Variants in PIK3AP1 observed in about 807,000 individuals in gnomAD.
PIK3AP1 encodes phosphoinositide 3-kinase adapter protein 1.
PIK3AP1 carries 21 observed loss-of-function variants against 88.1 expected under a neutral mutation model. The observed-to-expected ratio is 0.24, with a 90% CI of 0.17 to 0.34. PIK3AP1 has a LOEUF of 0.34. PIK3AP1 is among the 10% of genes least tolerant of loss of function. The pLI, the probability that PIK3AP1 is intolerant of heterozygous loss-of-function variation, is 1.00. For missense variants in PIK3AP1, 828 were observed against 1,035.7 expected (o/e 0.80, Z 2.75); for synonymous variants, 398 against 400.0 (o/e 1.00, Z 0.06).
At chr10:96,642,981 T>C (rs1174935444) in intron 8 of PIK3AP1, among the ~76,000 whole-genome samples, 1 of 152,208 alleles carries the variant, frequency 6.6e-6, no homozygotes, top group Admixed American at 6.5e-5. Flanking sequence ...AAGTGGGTAC[T>C]GGTGGTTCTC....
chr10:96,664,643 G>A (rs1012174975), intron 2 of PIK3AP1, among the ~76,000 whole-genome samples: 12 of 152,102 alleles, frequency 7.9e-5, no homozygotes, highest in East Asian at 3.8e-4. Flanking sequence ...CTAATAGTGC[G>A]GCACTTGGCA....
chr10:96,649,747 T>G (rs1482608338), intron 6 of PIK3AP1, among the ~76,000 whole-genome samples: 1 of 152,140 alleles, frequency 6.6e-6, no homozygotes, highest in Non-Finnish European at 1.5e-5. Flanking sequence ...TTAGGAGAGA[T>G]TTTGAATGTT....
chr10:96,697,218 C>A (rs1333156263), intron 2 of PIK3AP1, among the ~76,000 whole-genome samples: 3 of 152,106 alleles, frequency 2.0e-5, no homozygotes, highest in Non-Finnish European at 4.4e-5. Flanking sequence ...ATTAGCCCAC[C>A]CCGAGTGAGT....
chr10:96,599,139 C>A (rs1848837710), intron 16 of PIK3AP1, among the ~76,000 whole-genome samples: 1 of 152,170 alleles, frequency 6.6e-6, no homozygotes, highest in South Asian at 2.1e-4. Context: ...GCTGAAAGAG[C>A]AGCAGAACGG....
chr10:96,602,246 T>C, intron 16 of PIK3AP1, 34 bp downstream of exon 16: 1 of 1,512,482 alleles, frequency 6.6e-7, no homozygotes, highest in South Asian at 1.1e-5. Flanking sequence ...GATTCAGAGA[T>C]AAGGGAAAAA....
At chr10:96,701,098 C>T (rs1589546235) in intron 2 of PIK3AP1, among the ~76,000 whole-genome samples, 1 of 152,328 alleles carries the variant, frequency 6.6e-6, no homozygotes, top group South Asian at 2.1e-4. Flanking sequence ...AATTCATATT[C>T]CCAGGACAAA....
At position 96,620,404 on chromosome 10, in the gene PIK3AP1, T is replaced by G; in HGVS notation, c.1889A>C (p.Lys630Thr). ...TTTCTTCTGGTTGAGCTGCCACTCT[T>G]TGAAGTGGAGCACAGCCTCATCCAC... ...VNVDEAVLHF[K>T]EWQLNQKKRS... The change falls in exon 12 of 17, where the codon AAA becomes ACA. Residue 630 changes from lysine (K) to threonine (T), a missense_variant. By Grantham distance (78) the Lys-to-Thr change is moderately conservative. Transcript: ENST00000339364. 1 of 1,614,200 alleles carries G rather than the reference T, an allele frequency of 6.2e-7. No individual in the cohort carries two copies. The highest frequency in any genetic ancestry group is 8.5e-7 in the Non-Finnish European group (1 of 1,180,032).
intron 8 of PIK3AP1, among the ~76,000 whole-genome samples, chr10:96,636,254 TAAA>T (rs199591235): frequency 6.6e-6 from 1 of 151,622 alleles, no homozygotes; most frequent in Non-Finnish European, 1.5e-5. Flanking sequence ...ATACAAAAAT[TAAA>T]AAAAATTATA....
At chr10:96,634,801 C>A (rs1307148694) in intron 8 of PIK3AP1, among the ~76,000 whole-genome samples, 1 of 152,166 alleles carries the variant, frequency 6.6e-6, no homozygotes, top group Non-Finnish European at 1.5e-5. Flanking sequence ...GCTCAGAAGT[C>A]TGAAATAGGT....
In PIK3AP1 at chr10:96,628,459, T is replaced by G; in HGVS notation, c.1410A>C (p.Pro470=). ...CCCGAGAGAAACCATCTCCAGGGAT[T>G]GGGTTAGATGTACTGGCCTGAAGCA... The part of the protein sequence containing the change: ...VEMLQASTSN[P]IPGDGFSRAT... Residue 470 remains proline (P), a synonymous_variant, in exon 9 of 17, where the codon CCA becomes CCC. Coordinates refer to ENST00000339364, the MANE Select transcript of PIK3AP1 (RefSeq NM_152309.3). 4 of 1,613,556 alleles carry G rather than the reference T, an allele frequency of 2.5e-6. No individual in the cohort carries two copies. Among genetic ancestry groups the G allele is most frequent in the Non-Finnish European group, 3.4e-6 (4 of 1,179,510 alleles).
rs1444976029 is a variant in PIK3AP1, at chr10:96,594,270, A to C, written c.*1307T>G. On this transcript the variant is annotated 3_prime_UTR_variant, in exon 17 of 17. Transcript: ENST00000339364. The surrounding 1 kb of genome is among the most constrained non-coding windows in gnomAD (Gnocchi z 4.6). Reference sequence around the variant, plus strand: ...GGGATTGGTTCCAGGATCCCCCAGTATCAAAATCCACAAATGCTCAAGTCC... The same window carrying C: ...GGGATTGGTTCCAGGATCCCCCAGTCTCAAAATCCACAAATGCTCAAGTCC... The C allele has an allele frequency of 6.6e-6, 1 of 152,230 alleles. No homozygotes were observed. Among genetic ancestry groups the C allele is most frequent in the Non-Finnish European group, 1.5e-5 (1 of 68,046 alleles). 9.4% of individuals were successfully genotyped at this position (152,230 alleles called of 1,614,324 possible). A position where few individuals can be genotyped will look rare whatever the true frequency, so the allele number is the denominator to read the frequency against.
intron 8 of PIK3AP1, among the ~76,000 whole-genome samples, chr10:96,640,113 C>T (rs1843364162): frequency 6.6e-6 from 1 of 152,198 alleles, no homozygotes. Flanking sequence ...TACATAAACA[C>T]TTGAGCTACA....
At chr10:96,604,781 T>C (rs1848972866) in intron 14 of PIK3AP1, among the ~76,000 whole-genome samples, 1 of 152,224 alleles carries the variant, frequency 6.6e-6, no homozygotes. Flanking sequence ...CAGGTATGTA[T>C]CACCCATGCA....
intron 2 of PIK3AP1, among the ~76,000 whole-genome samples, chr10:96,673,128 T>C (rs1331115132): frequency 3.3e-5 from 5 of 152,232 alleles, no homozygotes. Context: ...GGGGAAAAGA[T>C]TCTGCTAGGT....
At position 96,648,690 on chromosome 10, in the gene PIK3AP1, C is replaced by T. The variant is rs188220964; in HGVS notation, c.1154G>A (p.Arg385Lys). The T allele has an allele frequency of 6.2e-7, 1 of 1,609,370 alleles. No homozygotes were observed. Among genetic ancestry groups the T allele is most frequent in the East Asian group, 2.2e-5 (1 of 44,480 alleles). ...CTCGTCGATGAACTGCCGCAGGTCC[C>T]TGAAGCCGTGTTTCTCAGCGATGGT... ...PNTIAEKHGF[R>K]DLRQFIDEYV... is the part of the protein sequence containing the mutation. Residue 385 changes from arginine (R) to lysine (K), a missense_variant, in exon 7 of 17, where the codon AGG becomes AAG. Coordinates refer to ENST00000339364, the MANE Select transcript of PIK3AP1 (RefSeq NM_152309.3).
intron 2 of PIK3AP1, among the ~76,000 whole-genome samples, chr10:96,681,178 G>A (rs1011963540): frequency 2.6e-5 from 4 of 152,114 alleles, no homozygotes; most frequent in African/African-American, 9.7e-5. Flanking sequence ...TCTCTTCCGT[G>A]TGTGCACACA....
chr10:96,687,406 G>A (rs1234843242), intron 2 of PIK3AP1, among the ~76,000 whole-genome samples: 1 of 151,498 alleles, frequency 6.6e-6, no homozygotes. Flanking sequence ...ACATCCATTT[G>A]TCCAGGCCCA....
intron 3 of PIK3AP1, among the ~76,000 whole-genome samples, chr10:96,654,580 T>C (rs1365680003): frequency 1.3e-5 from 2 of 152,072 alleles, no homozygotes; most frequent in Non-Finnish European, 2.9e-5. Flanking sequence ...GAGGAGCCAA[T>C]GAGAATGTGT....
At chr10:96,670,646 G>A (rs1843833564) in intron 2 of PIK3AP1, among the ~76,000 whole-genome samples, 1 of 152,242 alleles carries the variant, frequency 6.6e-6, no homozygotes, top group South Asian at 2.1e-4. Flanking sequence ...AGAGGACCCT[G>A]ATTCCCATGC....
Sources: gnomAD v4.1 joint callset for allele counts (sites outside exome capture counted in the v4.1 genomes callset) on GRCh38, gnomAD v4.1.1 for gene constraint, Gnocchi (gnomAD v3.1) non-coding constraint, MANE v1.5 for transcripts, NCBI Gene and HGNC (gene_info 2026-07-23, HGNC 2026-07-21) for gene names.